The following PIEZO2 variants were observed in gnomAD, a reference collection of about 807,000 sequenced individuals.
PIEZO2 encodes the protein piezo-type mechanosensitive ion channel component 2.
PIEZO2 carries 172 observed loss-of-function variants against 337.3 expected under a neutral mutation model. The observed-to-expected ratio is 0.51, with a 90% CI of 0.45 to 0.58. The LOEUF (loss-of-function observed/expected upper bound fraction) is 0.58. Among genes scored for constraint, PIEZO2 ranks in the 20% least tolerant of loss-of-function variants. The pLI, the probability that PIEZO2 is intolerant of heterozygous loss-of-function variation, is 0.00. For synonymous variants in PIEZO2, 1,251 were observed against 1,228.5 expected, an observed-to-expected ratio of 1.02 and a Z score of -0.38; for missense variants, 3,028 against 3,391.3, an observed-to-expected ratio of 0.89 and a Z score of 2.66.
Position 11,132,069 on chromosome 18 carries a change from G to A in PIEZO2, c.64+16456C>T, listed in dbSNP as rs1320172504. 6.6e-6 allele frequency among the ~76,000 whole-genome samples: 1 copy of A among 152,184 alleles called. No individual in the cohort carries two copies. Among genetic ancestry groups the A allele is most frequent in the Admixed American group, 6.5e-5 (1 of 15,290 alleles). ...TCGATATGTCACCTTTCCTCAGGGT[G>A]ATCAGCCAGCTACCTGGTGGCTGGT... On this transcript the variant is annotated intron_variant, in intron 1 of 55. Transcript: ENST00000674853. This position sits in a 1 kb window ranked among gnomAD's most constrained non-coding sequence, Gnocchi z 4.7.
chr18:10,763,009 T>G lies in PIEZO2; in HGVS notation c.3036A>C (p.Thr1012=). The G allele has an allele frequency of 6.5e-7, 1 of 1,537,252 alleles. No homozygotes were observed. ...KLRRLASSVC[T]VWTCVIIVCK... ...AGACGATGATCACACACGTCCAGAC[T>G]GTGCAGACACTTGAAGCCAGACGGC... Residue 1012 remains threonine, a synonymous_variant, in exon 22 of 56, where the codon ACA becomes ACC. Transcript: ENST00000674853.
intron 1 of PIEZO2, among the ~76,000 whole-genome samples, chr18:11,082,837 A>G (rs1288173544): frequency 1.3e-5 from 2 of 152,194 alleles, no homozygotes; most frequent in East Asian, 1.9e-4. Context: ...TTTTCTTTAA[A>G]AAGTACACCC....
At chr18:10,754,629 G>A (rs541762267) in intron 27 of PIEZO2, among the ~76,000 whole-genome samples, 2 of 152,316 alleles carry the variant, frequency 1.3e-5, no homozygotes, top group African/African-American at 2.4e-5. Context: ...TATTGGGCTG[G>A]ACTGATTGTT....
At chr18:10,985,996 A>G (rs1365878303) in intron 2 of PIEZO2, among the ~76,000 whole-genome samples, 1 of 152,036 alleles carries the variant, frequency 6.6e-6, no homozygotes, top group African/African-American at 2.4e-5. Context: ...CACTTTATGG[A>G]CACACATAGG....
intron 24 of PIEZO2, among the ~76,000 whole-genome samples, chr18:10,760,705 C>A (rs2038088683): frequency 6.6e-6 from 1 of 152,230 alleles, no homozygotes; most frequent in Non-Finnish European, 1.5e-5. Context: ...CAAGGCACTG[C>A]TGTGGAGGGG....
chr18:10,935,126 GT>G, intron 3 of PIEZO2, among the ~76,000 whole-genome samples: 1 of 152,154 alleles, frequency 6.6e-6, no homozygotes, highest in East Asian at 1.9e-4. Flanking sequence ...ATAGATAGCT[GT>G]TACCATTTTT....
chr18:10,697,717 G>T (rs771804527), intron 45 of PIEZO2, 31 bp downstream of exon 45: 4 of 1,607,258 alleles, frequency 2.5e-6, no homozygotes, highest in Middle Eastern at 1.9e-4. Context: ...CTACAATAAA[G>T]CACACATGCC....
chr18:10,764,588 T>TTA (rs1486116677), intron 21 of PIEZO2, among the ~76,000 whole-genome samples: 3 of 47,626 alleles, frequency 6.3e-5, no homozygotes, highest in African/African-American at 4.1e-4. Context: ...ACACTACGTC[T>TTA]CAAAAAAAAA....
At chr18:11,085,737 T>C (rs904118804) in intron 1 of PIEZO2, among the ~76,000 whole-genome samples, 1 of 151,866 alleles carries the variant, frequency 6.6e-6, no homozygotes, top group East Asian at 1.9e-4. Context: ...AAGCTAAATA[T>C]GGAACACCAG....
chr18:10,672,046 C>T lies in PIEZO2; in HGVS notation c.8346-267G>A, dbSNP rs2033803347. On this transcript the variant is annotated intron_variant, in intron 55 of 55. Transcript: ENST00000674853. This position sits in a 1 kb window ranked among gnomAD's most constrained non-coding sequence, Gnocchi z 4.7. ...TCTCACATTCTGTAAATAATCAATG[C>T]TAACCGTTTCATGTATGAACTTTAG... Among the ~76,000 whole-genome samples the T allele has an allele frequency of 6.6e-6, 1 of 152,112 alleles. No homozygotes were observed. The highest frequency in any genetic ancestry group is 6.6e-5 in the Admixed American group (1 of 15,266).
At chr18:11,049,684 T>C (rs1216646388) in intron 2 of PIEZO2, among the ~76,000 whole-genome samples, 6 of 152,168 alleles carry the variant, frequency 3.9e-5, no homozygotes, top group Non-Finnish European at 8.8e-5. Flanking sequence ...GTAGTAAGTC[T>C]CAAGAGATCT....
rs142601230 is a variant in PIEZO2 at position 10,907,400 on chromosome 18, G to A, written c.329+3786C>T. Among the ~76,000 whole-genome samples the A allele has an allele frequency of 2.3e-3, 341 of 151,488 alleles. 2 individuals carry two copies. Among genetic ancestry groups the A allele is most frequent in the Non-Finnish European group, 3.6e-3 (244 of 67,906 alleles). On this transcript the variant is annotated intron_variant, in intron 4 of 55. Coordinates refer to ENST00000674853, the MANE Select transcript of PIEZO2 (RefSeq NM_001378183.1). ...AGAGGTTGCAGTGAGCTGAGATCAC[G>A]CCGCTGCATTCCAGTCTGGGCAACA...
At chr18:10,751,173 A>G (rs752593214) in intron 28 of PIEZO2, among the ~76,000 whole-genome samples, 3 of 152,196 alleles carry the variant, frequency 2.0e-5, no homozygotes, top group Non-Finnish European at 4.4e-5. Context: ...CCTTTTTAGA[A>G]TGTGAATTCC....
intron 38 of PIEZO2, 135 bp downstream of exon 38, chr18:10,715,515 G>T: frequency 1.3e-6 from 1 of 750,062 alleles, no homozygotes; most frequent in Non-Finnish European, 2.0e-6. Flanking sequence ...TAAATATACA[G>T]AAAAGCAAAG....
chr18:11,095,439 C>T (rs1325952932), intron 1 of PIEZO2, among the ~76,000 whole-genome samples: 6 of 152,172 alleles, frequency 3.9e-5, no homozygotes, highest in African/African-American at 1.2e-4. Flanking sequence ...TCATTTGCAA[C>T]GTGAAGCGAG....
intron 1 of PIEZO2, among the ~76,000 whole-genome samples, chr18:11,113,597 C>T (rs1347698416): frequency 2.6e-5 from 4 of 152,178 alleles, no homozygotes; most frequent in African/African-American, 9.7e-5. Context: ...CTGGGAGGCC[C>T]TCGCAGGTAT....
intron 1 of PIEZO2, among the ~76,000 whole-genome samples, chr18:11,084,587 G>C (rs2038857298): frequency 6.6e-6 from 1 of 152,098 alleles, no homozygotes; most frequent in Non-Finnish European, 1.5e-5. Flanking sequence ...CCATGGAGTT[G>C]GCTTGAGTGT....
chr18:11,106,608 C>T (rs1263284632), intron 1 of PIEZO2, among the ~76,000 whole-genome samples: 2 of 151,822 alleles, frequency 1.3e-5, no homozygotes, highest in Non-Finnish European at 2.9e-5. Flanking sequence ...AAGAAGAGGT[C>T]TCATTATGGT....
At chr18:10,921,639 G>C (rs1173505944) in intron 3 of PIEZO2, among the ~76,000 whole-genome samples, 2 of 152,138 alleles carry the variant, frequency 1.3e-5, no homozygotes, top group Non-Finnish European at 2.9e-5. Flanking sequence ...CTTGAAAAAA[G>C]AGCAGGATAA....
Sources: gnomAD v4.1 joint callset for allele counts (sites outside exome capture counted in the v4.1 genomes callset) on GRCh38, gnomAD v4.1.1 for gene constraint, Gnocchi (gnomAD v3.1) non-coding constraint, MANE v1.5 for transcripts, NCBI Gene and HGNC (gene_info 2026-07-23, HGNC 2026-07-21) for gene names.